The following ATE1 variants were observed in gnomAD, a reference collection of about 807,000 sequenced individuals.
The protein encoded by ATE1 is arginyltransferase 1.
ATE1 carries 36 observed loss-of-function variants against 70.5 expected under a neutral mutation model. The ratio of observed to expected loss-of-function variants is 0.51; its 90% CI spans 0.39 to 0.67. The LOEUF (loss-of-function observed/expected upper bound fraction) is 0.67. ATE1 is among the 30% of genes least tolerant of loss of function. The pLI is 0.00. For synonymous variants in ATE1, 232 were observed against 219.3 expected, an observed-to-expected ratio of 1.06 and a Z score of -0.51; for missense variants, 593 against 629.5, an observed-to-expected ratio of 0.94 and a Z score of 0.62.
chr10:121,762,211 G>C (rs1322395411), intron 11 of ATE1, among the ~76,000 whole-genome samples: 1 of 152,046 alleles, frequency 6.6e-6, no homozygotes, highest in Non-Finnish European at 1.5e-5. Flanking sequence ...CTTGCCCCAG[G>C]GCAATCCTTT....
At chr10:121,858,346 C>CT (rs1949324673) in intron 8 of ATE1, among the ~76,000 whole-genome samples, 1 of 151,758 alleles carries the variant, frequency 6.6e-6, no homozygotes, top group African/African-American at 2.4e-5. Flanking sequence ...TACCGTTTTC[C>CT]ATTTTTTTTT....
intron 8 of ATE1, 143 bp downstream of exon 8, chr10:121,869,863 C>A: frequency 1.6e-6 from 1 of 616,770 alleles, no homozygotes. Context: ...CCTGCAGTAA[C>A]TCACTCCATT....
At chr10:121,829,018 C>T (rs544051645) in intron 10 of ATE1, among the ~76,000 whole-genome samples, 2 of 152,276 alleles carry the variant, frequency 1.3e-5, no homozygotes, top group East Asian at 3.9e-4. Flanking sequence ...CTATGTCCTC[C>T]TAAGTTGTAA....
At position 121,835,908 on chromosome 10, in the gene ATE1, G is replaced by A. The variant is rs542241539; in HGVS notation, c.1257+810C>T. 7.7e-4 allele frequency among the ~76,000 whole-genome samples: 117 copies of A among 152,134 alleles called. No individual in the cohort carries two copies. The South Asian group carries it at 0.011, about 15-fold the overall frequency. Reference sequence around the variant, plus strand: ...TAATGTGGCATGTCTGAAAACCCCCGTTAAGTCATATTTCTATGTGTGGAC... The same window carrying A: ...TAATGTGGCATGTCTGAAAACCCCCATTAAGTCATATTTCTATGTGTGGAC... On this transcript the variant is annotated intron_variant, in intron 10 of 11. Coordinates refer to ENST00000224652, the MANE Select transcript of ATE1 (RefSeq NM_001001976.3).
At chr10:121,808,394 C>T (rs1187974534) in intron 10 of ATE1, among the ~76,000 whole-genome samples, 2 of 152,108 alleles carry the variant, frequency 1.3e-5, no homozygotes, top group Non-Finnish European at 2.9e-5. Context: ...GCTCAAGCAA[C>T]AGGAACACTA....
At chr10:121,793,153 T>C (rs1946522104) in intron 10 of ATE1, among the ~76,000 whole-genome samples, 1 of 152,178 alleles carries the variant, frequency 6.6e-6, no homozygotes, top group South Asian at 2.1e-4. Flanking sequence ...CTAATAAGCA[T>C]GTGAAGAGAT....
chr10:121,870,659 C>T (rs905489154), intron 7 of ATE1, among the ~76,000 whole-genome samples: 4 of 152,116 alleles, frequency 2.6e-5, no homozygotes, highest in African/African-American at 4.8e-5. Context: ...TCTCACCTTT[C>T]TCTTTCTTTT....
chr10:121,848,984 G>A (rs1342055271), intron 8 of ATE1, among the ~76,000 whole-genome samples: 2 of 151,594 alleles, frequency 1.3e-5, no homozygotes, highest in Non-Finnish European at 2.9e-5. Flanking sequence ...GCCGAAGCGG[G>A]CAGATCACCT....
chr10:121,928,235 G>T, upstream of ATE1: 1 of 1,368,592 alleles, frequency 7.3e-7, no homozygotes, highest in Non-Finnish European at 9.6e-7. Context: ...AGGATGGGGA[G>T]AGTCAAGAGG....
At chr10:121,835,102 T>C (rs1399517216) in intron 10 of ATE1, among the ~76,000 whole-genome samples, 2 of 152,210 alleles carry the variant, frequency 1.3e-5, no homozygotes, top group Admixed American at 6.5e-5. Flanking sequence ...AATATGCTCA[T>C]ACTTTTCCTT....
intron 8 of ATE1, among the ~76,000 whole-genome samples, chr10:121,845,382 A>T (rs1340812522): frequency 2.0e-5 from 3 of 152,214 alleles, no homozygotes; most frequent in Admixed American, 2.0e-4. Flanking sequence ...AACACAAAAG[A>T]ATGAACTGTA....
Position 121,902,598 on chromosome 10 carries a change from C to G in ATE1, c.606G>C (p.Lys202Asn). 1 of 1,612,132 alleles carries G rather than the reference C, an allele frequency of 6.2e-7. No individual in the cohort carries two copies. The highest frequency in any genetic ancestry group is 8.5e-7 in the Non-Finnish European group (1 of 1,178,884). ...TTTCCTTTGCTTTTCGACATGGAGGCTTACTCAAATCAGCCCCTTTGCCTA... is the reference window on the plus strand; with the variant it reads ...TTTCCTTTGCTTTTCGACATGGAGGGTTACTCAAATCAGCCCCTTTGCCTA... ...PKPGKGADLSKPPCRKAKEIR... is the reference protein window; with the variant it reads ...PKPGKGADLSNPPCRKAKEIR... The change falls in exon 6 of 12, where the codon AAG (lysine) becomes AAC (asparagine). Residue 202 changes from lysine (K) to asparagine (N), a missense_variant. This residue lies in a region of ATE1 where 467 missense variants were observed against 469.6 expected (regional missense o/e 0.99). Transcript: ENST00000224652.
intron 10 of ATE1, among the ~76,000 whole-genome samples, chr10:121,792,442 C>T (rs1946491823): frequency 6.6e-6 from 1 of 152,196 alleles, no homozygotes; most frequent in Admixed American, 6.5e-5. Flanking sequence ...TCTGACTCAG[C>T]TTTCCTGGAG....
chr10:121,920,435 G>A (rs752427910), intron 3 of ATE1, among the ~76,000 whole-genome samples: 2 of 152,110 alleles, frequency 1.3e-5, no homozygotes, highest in Non-Finnish European at 2.9e-5. Context: ...GGGAGGCTGA[G>A]GTGGGAGGAT....
chr10:121,882,117 A>G (rs1272396849), intron 7 of ATE1, among the ~76,000 whole-genome samples: 3 of 152,176 alleles, frequency 2.0e-5, no homozygotes, highest in Non-Finnish European at 4.4e-5. Context: ...TGTGGCATAA[A>G]AGGAAAAATT....
intron 11 of ATE1, among the ~76,000 whole-genome samples, chr10:121,788,805 G>A (rs988871106): frequency 6.6e-6 from 1 of 152,212 alleles, no homozygotes; most frequent in African/African-American, 2.4e-5. Context: ...AAGCACAACT[G>A]AGAATATCAA....
intron 11 of ATE1, among the ~76,000 whole-genome samples, chr10:121,751,512 G>C (rs1367689717): frequency 6.6e-6 from 1 of 152,138 alleles, no homozygotes; most frequent in Admixed American, 6.5e-5. Flanking sequence ...CTTCTTAGTC[G>C]GTGCATAGCA....
At chr10:121,927,718 C>T in intron 1 of ATE1, 126 bp downstream of exon 1, 1 of 1,346,786 alleles carries the variant, frequency 7.4e-7, no homozygotes. Flanking sequence ...CCCGAGAGTG[C>T]CCCCTCCGTC....
intron 10 of ATE1, among the ~76,000 whole-genome samples, chr10:121,836,070 T>C (rs1171607121): frequency 6.6e-6 from 1 of 152,170 alleles, no homozygotes; most frequent in African/African-American, 2.4e-5. Context: ...AAATACATCA[T>C]CAGCACTTGC....
Sources: gnomAD v4.1 joint callset for allele counts (sites outside exome capture counted in the v4.1 genomes callset) on GRCh38, gnomAD v4.1.1 for gene constraint, gnomAD v4.1.1 regional missense constraint, MANE v1.5 for transcripts, NCBI Gene and HGNC (gene_info 2026-07-23, HGNC 2026-07-21) for gene names.